The following CTSC variants were observed in gnomAD, a reference collection of about 807,000 sequenced individuals.
The protein encoded by CTSC is dipeptidyl peptidase 1.
Under a neutral mutation model 40.9 loss-of-function variants are expected in CTSC, and 37 were observed. That is an observed-to-expected ratio of 0.91 (90% confidence interval 0.70 to 1.19). The LOEUF (loss-of-function observed/expected upper bound fraction) is 1.19. Ranked by LOEUF, CTSC falls within the 50% of genes most tolerant of loss-of-function variation. The pLI is 0.00. For missense variants in CTSC, 594 were observed against 567.3 expected (o/e 1.05, Z -0.48); for synonymous variants, 232 against 207.4 (o/e 1.12, Z -1.02).
At chr11:88,296,711 T>G (rs573473128) in intron 5 of CTSC, 1 of 253,030 alleles carries the variant, frequency 4.0e-6, no homozygotes, top group South Asian at 4.7e-5. Flanking sequence ...TCTAAAATCA[T>G]GTTAAAACCC....
intron 2 of CTSC, chr11:88,325,095 T>C (rs944842113): frequency 6.1e-6 from 6 of 979,130 alleles, no homozygotes; most frequent in Admixed American, 1.2e-4. Flanking sequence ...CTGAAAGAAG[T>C]CAGCTCTAAA....
chr11:88,325,055 C>A (rs1938143428), intron 2 of CTSC: 25 of 984,608 alleles, frequency 2.5e-5, no homozygotes, highest in Non-Finnish European at 3.0e-5. Flanking sequence ...ATGAATTAAA[C>A]ATAACCCCAT....
chr11:88,297,313 T>C (rs990238821), intron 5 of CTSC: 2 of 152,256 alleles, frequency 1.3e-5, no homozygotes, highest in South Asian at 2.1e-4. Context: ...ACATTGTACA[T>C]TGTACACTGA....
chr11:88,326,331 C>T (rs1938186020), intron 2 of CTSC: 2 of 1,613,854 alleles, frequency 1.2e-6, no homozygotes, highest in Non-Finnish European at 8.5e-7. Flanking sequence ...GAGGCCTTTG[C>T]TAGCTGCTAC....
At position 88,337,540 on chromosome 11, in the gene CTSC, A is replaced by G. The variant is rs1938536487; in HGVS notation, c.133T>C (p.Ser45Pro). The change falls in exon 1 of 7, where the codon TCC becomes CCC. Residue 45 changes from serine (S) to proline (P), a missense_variant. Coordinates refer to ENST00000227266, the MANE Select transcript of CTSC (RefSeq NM_001814.6). ...TTGACATCGCGCTGGGAACCGCTGGAGCCCACCTGGAAGACCCAGGTGCCC... is the reference window on the plus strand; with the variant it reads ...TTGACATCGCGCTGGGAACCGCTGGGGCCCACCTGGAAGACCCAGGTGCCC... Reference protein sequence around the residue: ...LLGTWVFQVGSSGSQRDVNCS... With the variant: ...LLGTWVFQVGPSGSQRDVNCS... The G allele has an allele frequency of 1.3e-6, 2 of 1,576,964 alleles. No homozygotes were observed. The highest frequency in any genetic ancestry group is 1.7e-6 in the Non-Finnish European group (2 of 1,160,470).
chr11:88,300,090 A>G (rs1470512668), intron 5 of CTSC, among the ~76,000 whole-genome samples: 1 of 152,216 alleles, frequency 6.6e-6, no homozygotes, highest in African/African-American at 2.4e-5. Flanking sequence ...AAAATAATTT[A>G]AGGATTTATT....
rs2134765747 is a variant in CTSC, at chr11:88,296,136, G to A, written c.886C>T (p.Gln296Ter). Residue 296 changes from glutamine (Q) to a stop codon, truncating the protein, a stop_gained, in exon 6 of 7, where the codon CAA becomes TAA. Transcript: ENST00000227266. LOFTEE classifies it low-confidence loss of function (END_TRUNC). ...GTGTCTGAAATGCAACACTTACCTTGAGCATACTGGCTACAAGACACAACC... is the reference window on the plus strand; with the variant it reads ...GTGTCTGAAATGCAACACTTACCTTAAGCATACTGGCTACAAGACACAACC... ...QEVVSCSQYA[Q>*]GCEGGFPYLI... is the part of the protein sequence containing the mutation. 1 of 1,613,812 alleles carries A rather than the reference G, an allele frequency of 6.2e-7. No homozygotes were observed. Among genetic ancestry groups the A allele is most frequent in the East Asian group, 2.2e-5 (1 of 44,870 alleles).
At position 88,294,372 on chromosome 11, in the gene CTSC, G is replaced by C. The variant is rs1271266728; in HGVS notation, c.1026C>G (p.Ser342=). The stretch of plus-strand genomic sequence containing the variant: ...AACCTCCTACATAGTGGTACTCAGA[G>C]GAGTAATAACGAAAGCAGTCTTCCT... ...KMKEDCFRYY[S]SEYHYVGGFY... Residue 342 remains serine (S), a synonymous_variant, in exon 7 of 7, where the codon TCC becomes TCG. Transcript: ENST00000227266. The C allele has an allele frequency of 4.3e-6, 7 of 1,614,014 alleles. 1 individual carries two copies. The South Asian group carries it at 7.7e-5, about 18-fold the overall frequency.
intron 2 of CTSC, among the ~76,000 whole-genome samples, chr11:88,334,178 C>T (rs780453875): frequency 2.6e-5 from 4 of 152,134 alleles, no homozygotes; most frequent in Admixed American, 6.5e-5. Flanking sequence ...TAATGAGAAA[C>T]GCCTAGTTTC....
intron 6 of CTSC, among the ~76,000 whole-genome samples, chr11:88,295,288 A>G (rs560617887): frequency 1.4e-3 from 215 of 152,338 alleles, no homozygotes; most frequent in African/African-American, 5.0e-3. Context: ...GCTTGAAAGC[A>G]TAAACTTTAA....
intron 4 of CTSC, among the ~76,000 whole-genome samples, chr11:88,301,282 C>T (rs955263203): frequency 3.3e-5 from 5 of 152,148 alleles, no homozygotes; most frequent in Non-Finnish European, 7.3e-5. Flanking sequence ...GAGTAACACC[C>T]TCTCCATTAA....
chr11:88,295,994 T>C, intron 6 of CTSC, 139 bp downstream of exon 6: 3 of 877,044 alleles, frequency 3.4e-6, no homozygotes, highest in Admixed American at 3.4e-5. Flanking sequence ...TAATAAGTGA[T>C]AGGGCCAGAC....
At chr11:88,335,593 T>G (rs540420859) in intron 1 of CTSC, among the ~76,000 whole-genome samples, 1 of 152,162 alleles carries the variant, frequency 6.6e-6, no homozygotes, top group South Asian at 2.1e-4. Context: ...AAAAGAGAGA[T>G]ATGCTATGCA....
chr11:88,295,346 A>G (rs1017734987), intron 6 of CTSC, among the ~76,000 whole-genome samples: 3 of 152,116 alleles, frequency 2.0e-5, no homozygotes, highest in Non-Finnish European at 4.4e-5. Flanking sequence ...TTTTCGACAT[A>G]CATCACATAC....
At chr11:88,326,508 C>T in intron 2 of CTSC, 1 of 951,994 alleles carries the variant, frequency 1.1e-6, no homozygotes, top group South Asian at 1.4e-5. Context: ...AATATTTAAT[C>T]ATATCAGTTT....
chr11:88,310,395 A>G (rs1417269906), intron 3 of CTSC, among the ~76,000 whole-genome samples: 1 of 152,174 alleles, frequency 6.6e-6, no homozygotes, highest in Non-Finnish European at 1.5e-5. Context: ...TAGGAATTAT[A>G]GAACTCACCA....
intron 2 of CTSC, among the ~76,000 whole-genome samples, chr11:88,333,246 C>T (rs1011143152): frequency 5.3e-5 from 8 of 152,180 alleles, no homozygotes; most frequent in South Asian, 2.1e-4. Context: ...ATTTAAGAAT[C>T]AAAAGTTTTC....
intron 2 of CTSC, among the ~76,000 whole-genome samples, chr11:88,315,376 A>C (rs1591231838): frequency 6.6e-6 from 1 of 152,354 alleles, no homozygotes; most frequent in East Asian, 1.9e-4. Flanking sequence ...AGAATGTCCT[A>C]GAAAATGCCC....
chr11:88,320,949 G>A (rs1455870818), intron 2 of CTSC: 1 of 983,148 alleles, frequency 1.0e-6, no homozygotes, highest in Admixed American at 6.2e-5. Context: ...AGACCAGAGA[G>A]GAATACAAAC....
Sources: allele counts gnomAD v4.1 joint callset (sites outside exome capture counted in the v4.1 genomes callset), GRCh38; gene constraint gnomAD v4.1.1; transcripts MANE v1.5; gene names NCBI Gene and HGNC (gene_info 2026-07-23, HGNC 2026-07-21).